Variants in FGD1 observed in about 807,000 individuals in gnomAD.
FGD1 encodes the protein FYVE, RhoGEF and PH domain containing 1, also known as FYVE, RhoGEF and PH domain-containing protein 1.
In FGD1, 12 loss-of-function variants were observed where a neutral mutation model predicts 65.0. The ratio of observed to expected loss-of-function variants is 0.18; its 90% CI spans 0.12 to 0.30. FGD1 has a LOEUF of 0.30. Among genes scored for constraint, FGD1 ranks in the 10% least tolerant of loss-of-function variants. FGD1 has a pLI of 1.00. For missense variants in FGD1, 542 were observed against 837.6 expected, an observed-to-expected ratio of 0.65 and a Z score of 4.36; for synonymous variants, 333 against 343.9, an observed-to-expected ratio of 0.97 and a Z score of 0.35.
At chrX:54,476,888 G>A (rs1923031614) in intron 1 of FGD1, among the ~76,000 whole-genome samples, 1 of 109,978 alleles carries the variant, frequency 9.1e-6, no homozygotes, top group Non-Finnish European at 1.9e-5. Flanking sequence ...GCCCAGGCTG[G>A]TGTCGAATTC....
intron 6 of FGD1, 57 bp from the exon 7 acceptor site, chrX:54,465,909 C>T: frequency 8.6e-7 from 1 of 1,168,553 alleles, no homozygotes; most frequent in Non-Finnish European, 1.2e-6. Flanking sequence ...TCAGAAACTT[C>T]CCCCACAAGT....
At chrX:54,472,580 G>A (rs1922919947) in intron 1 of FGD1, among the ~76,000 whole-genome samples, 1 of 111,361 alleles carries the variant, frequency 9.0e-6, no homozygotes. Context: ...ATTTGGTCTG[G>A]GAGGCAGTGA....
intron 12 of FGD1, among the ~76,000 whole-genome samples, chrX:54,451,293 T>C (rs923861874): frequency 5.7e-5 from 6 of 106,174 alleles, no homozygotes; most frequent in Non-Finnish European, 1.2e-4. Context: ...ACTGTATTCT[T>C]TTTTTTTTTG....
At chrX:54,450,790 T>C (rs1265341263) in intron 12 of FGD1, among the ~76,000 whole-genome samples, 1 of 111,650 alleles carries the variant, frequency 9.0e-6, no homozygotes, top group Non-Finnish European at 1.9e-5. Context: ...GGCTCACACC[T>C]GTAATCCCAG....
intron 8 of FGD1, among the ~76,000 whole-genome samples, chrX:54,457,641 A>G (rs1922533686): frequency 1.8e-5 from 2 of 111,820 alleles, no homozygotes; most frequent in Admixed American, 9.5e-5. Flanking sequence ...ACATGTTTAT[A>G]TAGAATGATC....
At chrX:54,485,848 C>T (rs1230187281) in intron 1 of FGD1, among the ~76,000 whole-genome samples, 3 of 109,104 alleles carry the variant, frequency 2.7e-5, no homozygotes, top group Admixed American at 9.8e-5. Context: ...GATCTCGGCT[C>T]ACTGCAACTT....
In FGD1 at chrX:54,479,371, G is replaced by T. The variant is rs770816744; in HGVS notation, c.308-7884C>A. ...GCTTAATCTCAAGACAGCTACTAGGGCCCCAGACTGGCCCTTGGCCATTAA... is the reference window on the plus strand; with the variant it reads ...GCTTAATCTCAAGACAGCTACTAGGTCCCCAGACTGGCCCTTGGCCATTAA... On this transcript the variant is annotated intron_variant, in intron 1 of 17. Transcript: ENST00000375135. 4.5e-5 allele frequency among the ~76,000 whole-genome samples: 5 copies of T among 111,841 alleles called. No homozygotes were observed. In the South Asian group the frequency reaches 1.9e-3, roughly 42 times the overall value.
At chrX:54,483,802 TC>T (rs1923211801) in intron 1 of FGD1, among the ~76,000 whole-genome samples, 1 of 111,330 alleles carries the variant, frequency 9.0e-6, no homozygotes, top group African/African-American at 3.3e-5. Flanking sequence ...CAAGCCCAAG[TC>T]CTAGGTTTAT....
chrX:54,491,444 A>G (rs1923410495), intron 1 of FGD1, among the ~76,000 whole-genome samples: 2 of 112,128 alleles, frequency 1.8e-5, no homozygotes, highest in South Asian at 7.4e-4. Flanking sequence ...GTTTAATCCC[A>G]TGCCTCCATT....
In FGD1 at chrX:54,470,714, T is replaced by TGGGGGGGGGGGGGAGGGCCCCCGGG; in HGVS notation, c.527_528insCCCGGGGGCCCTCCCCCCCCCCCCC (p.Leu177ProfsTer48). 1 of 187,785 alleles carries TGGGGGGGGGGGGGAGGGCCCCCGGG rather than the reference T, an allele frequency of 5.3e-6. No individual in the cohort carries two copies. Among genetic ancestry groups the TGGGGGGGGGGGGGAGGGCCCCCGGG allele is most frequent in the Non-Finnish European group, 8.1e-6 (1 of 123,084 alleles). The allele number at this position is 187,785 out of a possible 1,213,427, so 15.5% of individuals were successfully genotyped here. ...ATGGTGGAGGGGGGATGGGCTCCAG[T>TGGGGGGGGGGGGGAGGGCCCCCGGG]GGGGGGGGCATCCGGGGCATCTGCA... On this transcript the variant is annotated frameshift_variant, in exon 3 of 18. Coordinates refer to ENST00000375135, the MANE Select transcript of FGD1 (RefSeq NM_004463.3). LOFTEE classifies it high-confidence loss of function.
chrX:54,487,193 C>A (rs1923300285), intron 1 of FGD1, among the ~76,000 whole-genome samples: 1 of 109,615 alleles, frequency 9.1e-6, no homozygotes, highest in Non-Finnish European at 1.9e-5. Flanking sequence ...TTAAAAACGG[C>A]TGGGTCTCAG....
At chrX:54,481,447 C>G (rs1923141302) in intron 1 of FGD1, among the ~76,000 whole-genome samples, 1 of 96,628 alleles carries the variant, frequency 1.0e-5, no homozygotes, top group Non-Finnish European at 2.1e-5. Flanking sequence ...TTGATGCTAT[C>G]TCGTATGGCA....
chrX:54,487,889 G>T (rs953786578), intron 1 of FGD1, among the ~76,000 whole-genome samples: 10 of 110,472 alleles, frequency 9.1e-5, no homozygotes, highest in African/African-American at 3.3e-4. Flanking sequence ...GGCAGAGGTT[G>T]CAGTGAGCCG....
chrX:54,450,316 TA>T lies in FGD1; in HGVS notation c.2016-16del, dbSNP rs767275716. On this transcript the variant is annotated splice_polypyrimidine_tract_variant and intron_variant, in intron 12 of 17. Transcript: ENST00000375135. ...CCTCCTCAGTCCTTGGGGTGGGGAA[TA>T]AAAAAGAAAGATGTTTGGTTAGGTA... 5 of 1,207,721 alleles carry T rather than the reference TA, an allele frequency of 4.1e-6. No homozygotes were observed. Among genetic ancestry groups the T allele is most frequent in the Non-Finnish European group, 5.6e-6 (5 of 892,464 alleles).
intron 2 of FGD1, among the ~76,000 whole-genome samples, chrX:54,471,088 C>G (rs1168692577): frequency 9.1e-6 from 1 of 109,683 alleles, no homozygotes; most frequent in Admixed American, 9.7e-5. Flanking sequence ...AAACACCAAT[C>G]TGCACCTTTG....
At chrX:54,461,620 A>G (rs1253594554) in intron 8 of FGD1, among the ~76,000 whole-genome samples, 2 of 101,688 alleles carry the variant, frequency 2.0e-5, no homozygotes, top group Non-Finnish European at 3.9e-5. Context: ...AAAAAAAAAA[A>G]AAAAAAGAAA....
At chrX:54,465,640 C>T (rs1369923724) in intron 7 of FGD1, 51 bp from the exon 8 acceptor site, 10 of 1,210,922 alleles carry the variant, frequency 8.3e-6, no homozygotes, top group Non-Finnish European at 1.1e-5. Context: ...GATGCCCCAC[C>T]ACATCCCTGC....
intron 5 of FGD1, 148 bp from the exon 6 acceptor site, chrX:54,468,080 T>C (rs1300573738): frequency 3.9e-6 from 2 of 513,334 alleles, no homozygotes; most frequent in African/African-American, 4.7e-5. Context: ...GTTAGGGTTA[T>C]ATATTGGGGA....
chrX:54,481,899 A>C (rs761548459), intron 1 of FGD1, among the ~76,000 whole-genome samples: 1 of 110,017 alleles, frequency 9.1e-6, no homozygotes, highest in Non-Finnish European at 1.9e-5. Context: ...ACAAGCAAGC[A>C]GACACCCCCT....
Sources: allele counts gnomAD v4.1 joint callset (sites outside exome capture counted in the v4.1 genomes callset), GRCh38; gene constraint gnomAD v4.1.1; transcripts MANE v1.5; gene names NCBI Gene and HGNC (gene_info 2026-07-23, HGNC 2026-07-21).